CYP4V2: variants seen among roughly 807,000 people sequenced by gnomAD.
The protein encoded by CYP4V2 is cytochrome P450 4V2.
In CYP4V2, 55 loss-of-function variants were observed where a neutral mutation model predicts 60.8. The ratio of observed to expected loss-of-function variants is 0.90; its 90% CI spans 0.73 to 1.13. CYP4V2 has a LOEUF of 1.13. Among genes scored for constraint, CYP4V2 ranks in the 50% most tolerant of loss-of-function variants. CYP4V2 has a pLI of 0.00. For synonymous variants in CYP4V2, 239 were observed against 236.8 expected, an observed-to-expected ratio of 1.01 and a Z score of -0.08; for missense variants, 675 against 662.9, an observed-to-expected ratio of 1.02 and a Z score of -0.20.
At position 186,191,691 on chromosome 4, in the gene CYP4V2, G is replaced by A; in HGVS notation, c.-133G>A. ...GGCGGGAAACGTCGTTCCGGGGACC[G>A]GGCGACCCCGCAGCGGGGAGCGCGC... is the stretch of plus-strand genomic sequence containing the variant. On this transcript the variant is annotated 5_prime_UTR_variant, in exon 1 of 11. Transcript: ENST00000378802. 2.3e-6 allele frequency: 2 copies of A among 855,810 alleles called. No individual in the cohort carries two copies. The highest frequency in any genetic ancestry group is 4.5e-5 in the Admixed American group (1 of 22,224). 53.0% of individuals were successfully genotyped at this position (855,810 alleles called of 1,614,324 possible). A position where few individuals can be genotyped will look rare whatever the true frequency, so the allele number is the denominator to read the frequency against.
intron 3 of CYP4V2, 57 bp downstream of exon 3, chr4:186,196,145 CTTG>C (rs1736141112): frequency 2.1e-6 from 3 of 1,407,080 alleles, no homozygotes; most frequent in South Asian, 1.2e-5. Context: ...CTACGTGCAA[CTTG>C]TTATTTCAAG....
Position 186,205,445 on chromosome 4 carries a change from A to C in CYP4V2, c.1090+143A>C. On this transcript the variant is annotated intron_variant, in intron 8 of 10. Coordinates refer to ENST00000378802, the MANE Select transcript of CYP4V2 (RefSeq NM_207352.4). ...CCATCCCCTTTGCAAGGCCTCGTCC[A>C]TTCACTCACAGGCCTCTGCCAGTCG... The C allele has an allele frequency of 7.1e-6, 6 of 848,392 alleles. No homozygotes were observed. The Admixed American group carries it at 7.7e-5, about 11-fold the overall frequency. The allele number at this position is 848,392 out of a possible 1,614,324, so 52.6% of individuals were successfully genotyped here. A position where few individuals can be genotyped will look rare whatever the true frequency, so the allele number is the denominator to read the frequency against.
rs1467277682 is a variant in CYP4V2, at chr4:186,195,108, T to C, written c.327+496T>C. Among the ~76,000 whole-genome samples the C allele has an allele frequency of 2.0e-5, 3 of 152,230 alleles. No individual in the cohort carries two copies. The highest frequency in any genetic ancestry group is 7.2e-5 in the African/African-American group (3 of 41,454). On this transcript the variant is annotated intron_variant, in intron 2 of 10. Coordinates refer to ENST00000378802, the MANE Select transcript of CYP4V2 (RefSeq NM_207352.4). The surrounding 1 kb of genome is among the most constrained non-coding windows in gnomAD (Gnocchi z 4.1). ...GTCCTCCAAAAAGCTGTAGTCTTTT[T>C]ACTTGTTGAAAGGTCTGGGGAAATC...
At chr4:186,206,496 G>A (rs1736510771) in intron 8 of CYP4V2, among the ~76,000 whole-genome samples, 1 of 152,118 alleles carries the variant, frequency 6.6e-6, no homozygotes, top group Non-Finnish European at 1.5e-5. Context: ...ATAGCTGCAA[G>A]GTGAAAAGGA....
intron 8 of CYP4V2, among the ~76,000 whole-genome samples, chr4:186,208,581 A>T (rs111345422): frequency 2.5e-3 from 289 of 115,582 alleles, no homozygotes; most frequent in Middle Eastern, 0.015. Flanking sequence ...TCTTCTTTGA[A>T]GGGTATTTGA....
chr4:186,210,859 T>G lies in CYP4V2; in HGVS notation c.*218T>G. The G allele has an allele frequency of 2.0e-6, 1 of 503,480 alleles. No individual in the cohort carries two copies. Among genetic ancestry groups the G allele is most frequent in the Non-Finnish European group, 3.5e-6 (1 of 288,640 alleles). 31.2% of individuals were successfully genotyped at this position (503,480 alleles called of 1,614,324 possible). A position where few individuals can be genotyped will look rare whatever the true frequency, so the allele number is the denominator to read the frequency against. The stretch of plus-strand genomic sequence containing the variant: ...TCTTTATTTTTTTTTTTTGAAACCG[T>G]GTCTCACTCTGTCGCCCAGGCTGGA... On this transcript the variant is annotated 3_prime_UTR_variant, in exon 11 of 11. Coordinates refer to ENST00000378802, the MANE Select transcript of CYP4V2 (RefSeq NM_207352.4).
intron 8 of CYP4V2, 97 bp downstream of exon 8, chr4:186,205,399 C>A: frequency 8.5e-7 from 1 of 1,173,898 alleles, no homozygotes; most frequent in Non-Finnish European, 1.3e-6. Flanking sequence ...GGAAGGCTCC[C>A]CCACGGGATC....
At chr4:186,193,196 G>C (rs1736040557) in intron 1 of CYP4V2, among the ~76,000 whole-genome samples, 1 of 152,056 alleles carries the variant, frequency 6.6e-6, no homozygotes. Context: ...TTGTCCTAAG[G>C]CTTTATGGTA....
intron 7 of CYP4V2, chr4:186,204,968 C>T (rs1736453080): frequency 1.7e-6 from 1 of 575,798 alleles, no homozygotes; most frequent in South Asian, 1.9e-5. Context: ...CACGTCCCAC[C>T]AGCGTGCAAC....
At chr4:186,202,771 TATGTA>T (rs1258257822) in intron 7 of CYP4V2, 3 of 24,188 alleles carry the variant, frequency 1.2e-4, no homozygotes, top group Non-Finnish European at 3.4e-4. Flanking sequence ...CACACAAACA[TATGTA>T]TATCCACATG....
intron 8 of CYP4V2, among the ~76,000 whole-genome samples, chr4:186,207,220 AAC>A (rs1736536438): frequency 6.6e-6 from 1 of 152,074 alleles, no homozygotes; most frequent in African/African-American, 2.4e-5. Flanking sequence ...CATCCTGGCT[AAC>A]ACAGTGAAAC....
chr4:186,205,327 A>G (rs759552576), intron 8 of CYP4V2, 25 bp downstream of exon 8: 5 of 1,595,878 alleles, frequency 3.1e-6, no homozygotes, highest in Non-Finnish European at 3.4e-6. Context: ...TTCACTGGTT[A>G]TATTGTGGTA....
chr4:186,209,443 T>C (rs1415208995), intron 10 of CYP4V2, among the ~76,000 whole-genome samples, 171 bp downstream of exon 10: 4 of 152,110 alleles, frequency 2.6e-5, no homozygotes, highest in Admixed American at 2.0e-4. Flanking sequence ...AATATTACGG[T>C]CAAAAGGTAT....
Position 186,201,735 on chromosome 4 carries a change from C to G in CYP4V2, c.987+393C>G, listed in dbSNP as rs577905810. ...GAGGTTCCAGCAGATGAGCACTTAG[C>G]TGCTGCCATGAGCTACTCTACCTAG... On this transcript the variant is annotated intron_variant, in intron 7 of 10. Transcript: ENST00000378802. The G allele has an allele frequency of 1.3e-4, 32 of 238,650 alleles. No individual in the cohort carries two copies. In the South Asian group the frequency reaches 1.6e-3, roughly 12 times the overall value. The allele number at this position is 238,650 out of a possible 1,614,324, so 14.8% of individuals were successfully genotyped here. A position where few individuals can be genotyped will look rare whatever the true frequency, so the allele number is the denominator to read the frequency against.
At chr4:186,203,052 A>G (rs965934119) in intron 7 of CYP4V2, 2 of 121,628 alleles carry the variant, frequency 1.6e-5, no homozygotes, top group African/African-American at 5.8e-5. Context: ...ACATACATAG[A>G]TGCACATATA....
At chr4:186,208,172 CTTCTTTGATGGGTA>C (rs1189614542) in intron 8 of CYP4V2, among the ~76,000 whole-genome samples, 1 of 144,168 alleles carries the variant, frequency 6.9e-6, no homozygotes, top group Non-Finnish European at 1.5e-5. Flanking sequence ...TCCACATGTT[CTTCTTTGATGGGTA>C]TTTGATGGGT....
chr4:186,191,957 A>C lies in CYP4V2; in HGVS notation c.134A>C (p.Gln45Pro). The C allele has an allele frequency of 6.3e-7, 1 of 1,588,452 alleles. No individual in the cohort carries two copies. Among genetic ancestry groups the C allele is most frequent in the Middle Eastern group, 1.7e-4 (1 of 5,968 alleles). The change falls in exon 1 of 11, where the codon CAG (glutamine) becomes CCG (proline). Residue 45 changes from glutamine (Q) to proline (P), a missense_variant. By Grantham distance (76) the Gln-to-Pro change is moderately conservative. Coordinates refer to ENST00000378802, the MANE Select transcript of CYP4V2 (RefSeq NM_207352.4). ...QRVASYARKWQQMRPIPTVAR... is the reference protein window; with the variant it reads ...QRVASYARKWPQMRPIPTVAR... ...GTGGCGAGCTACGCGCGGAAATGGC[A>C]GCAGATGCGGCCCATCCCCACGGTG... is the stretch of plus-strand genomic sequence containing the variant.
intron 8 of CYP4V2, among the ~76,000 whole-genome samples, chr4:186,207,484 T>C (rs1736554988): frequency 6.8e-6 from 1 of 147,608 alleles, no homozygotes; most frequent in Non-Finnish European, 1.5e-5. Context: ...AGTTATTACT[T>C]TGCATTATTA....
chr4:186,205,296 G>A lies in CYP4V2; in HGVS notation c.1084G>A (p.Val362Met), dbSNP rs766647591. 1.2e-6 allele frequency: 2 copies of A among 1,614,138 alleles called. No homozygotes were observed. The highest frequency in any genetic ancestry group is 2.2e-5 in the South Asian group (2 of 91,092). ...AAAAGTGGATCATGAATTGGATGAC[G>A]TGTTTGGTATGTTTGGCCCCTTCAC... ...QKKVDHELDDVFGKSDRPATV... is the reference protein window; with the variant it reads ...QKKVDHELDDMFGKSDRPATV... The change falls in exon 8 of 11, where the codon GTG becomes ATG. Residue 362 changes from valine (V) to methionine (M), a missense_variant. Val to Met is a conservative substitution (Grantham distance 21, BLOSUM62 1). Coordinates refer to ENST00000378802, the MANE Select transcript of CYP4V2 (RefSeq NM_207352.4).
Sources: gnomAD v4.1 joint callset for allele counts (sites outside exome capture counted in the v4.1 genomes callset) on GRCh38, gnomAD v4.1.1 for gene constraint, Gnocchi (gnomAD v3.1) non-coding constraint, MANE v1.5 for transcripts, NCBI Gene and HGNC (gene_info 2026-07-23, HGNC 2026-07-21) for gene names.